Variants in FMN2 observed in about 807,000 individuals in gnomAD.
FMN2 encodes formin-2.
A neutral mutation model predicts 142.3 loss-of-function variants in FMN2; 51 were observed. The observed-to-expected ratio is 0.36, with a 90% CI of 0.29 to 0.45. The LOEUF (loss-of-function observed/expected upper bound fraction) is 0.45. Among genes scored for constraint, FMN2 ranks in the 20% least tolerant of loss-of-function variants. FMN2 has a pLI of 1.00. For synonymous variants in FMN2, 882 were observed against 869.8 expected, an observed-to-expected ratio of 1.01 and a Z score of -0.25; for missense variants, 1,936 against 2,122.8, an observed-to-expected ratio of 0.91 and a Z score of 1.73.
intron 7 of FMN2, among the ~76,000 whole-genome samples, chr1:240,261,803 A>G (rs147113262): frequency 1.7e-3 from 263 of 152,304 alleles, no homozygotes; most frequent in South Asian, 8.7e-3. Context: ...AAAAGTTATA[A>G]TGAAGGCCTG....
At chr1:240,317,855 A>G (rs1670844448) in intron 8 of FMN2, among the ~76,000 whole-genome samples, 1 of 152,134 alleles carries the variant, frequency 6.6e-6, no homozygotes, top group Admixed American at 6.5e-5. Flanking sequence ...ACCATTTTCC[A>G]TTCTCAGCAG....
chr1:240,198,910 G>A (rs919860253), intron 4 of FMN2, among the ~76,000 whole-genome samples: 1 of 152,062 alleles, frequency 6.6e-6, no homozygotes, highest in East Asian at 1.9e-4. Context: ...TTTGAGACCA[G>A]CCTGGCCAAC....
intron 15 of FMN2, among the ~76,000 whole-genome samples, chr1:240,431,427 T>C (rs1434792790): frequency 6.8e-6 from 1 of 147,288 alleles, no homozygotes; most frequent in African/African-American, 2.5e-5. Context: ...TATATATACA[T>C]ATATATACAC....
At chr1:240,104,100 G>A (rs1387349503) in intron 1 of FMN2, among the ~76,000 whole-genome samples, 4 of 151,034 alleles carry the variant, frequency 2.6e-5, no homozygotes, top group East Asian at 1.9e-4. Flanking sequence ...GGATGGTCTC[G>A]ATCTCCTGAC....
chr1:240,463,897 G>A (rs1325374110), intron 16 of FMN2, among the ~76,000 whole-genome samples: 1 of 152,098 alleles, frequency 6.6e-6, no homozygotes, highest in Non-Finnish European at 1.5e-5. Context: ...CAGCTACTCG[G>A]GAGGCTGAGG....
chr1:240,175,056 C>T (rs928659959), intron 2 of FMN2, among the ~76,000 whole-genome samples: 1 of 152,122 alleles, frequency 6.6e-6, no homozygotes, highest in Non-Finnish European at 1.5e-5. Context: ...TGTTATGTAC[C>T]TCATATGGGT....
intron 6 of FMN2, among the ~76,000 whole-genome samples, chr1:240,241,493 A>G (rs1667894296): frequency 6.6e-6 from 1 of 152,084 alleles, no homozygotes; most frequent in African/African-American, 2.4e-5. Context: ...GGACAAGTGA[A>G]CTTTGGAGTC....
chr1:240,188,376 T>C, intron 4 of FMN2, 114 bp downstream of exon 4: 1 of 1,061,206 alleles, frequency 9.4e-7, no homozygotes, highest in Non-Finnish European at 1.4e-6. Flanking sequence ...TGCCCTTGTT[T>C]TCCCTAAGCC....
intron 14 of FMN2, among the ~76,000 whole-genome samples, chr1:240,387,948 C>T (rs572240000): frequency 6.6e-6 from 1 of 151,868 alleles, no homozygotes; most frequent in African/African-American, 2.4e-5. Context: ...GAGGCCGAGG[C>T]GGGTGGATCA....
intron 6 of FMN2, among the ~76,000 whole-genome samples, chr1:240,225,467 T>C (rs1032407486): frequency 6.6e-6 from 1 of 152,148 alleles, no homozygotes; most frequent in Non-Finnish European, 1.5e-5. Flanking sequence ...GAAAAATGTG[T>C]GCAGGAATGT....
chr1:240,266,538 T>A (rs886687868), intron 7 of FMN2, among the ~76,000 whole-genome samples: 1 of 152,094 alleles, frequency 6.6e-6, no homozygotes, highest in Admixed American at 6.6e-5. Flanking sequence ...GCAAAGGACA[T>A]GATTTTGTTT....
intron 2 of FMN2, among the ~76,000 whole-genome samples, chr1:240,136,459 A>T (rs111991892): frequency 1.3e-3 from 205 of 152,340 alleles, no homozygotes; most frequent in Non-Finnish European, 2.4e-3. Context: ...AGACTTTTTA[A>T]GACAATGACA....
chr1:240,187,361 G>T (rs758267565), intron 3 of FMN2, among the ~76,000 whole-genome samples: 1 of 151,672 alleles, frequency 6.6e-6, no homozygotes, highest in African/African-American at 2.4e-5. Flanking sequence ...CTGCATGCCA[G>T]TCAGGGGTGC....
Position 240,207,807 on chromosome 1 carries a change from C to T in FMN2, c.2995C>T (p.Pro999Ser). The change falls in exon 5 of 18, where the codon CCT becomes TCT. Residue 999 changes from proline (P) to serine (S), a missense_variant. Physicochemically the swap from Pro to Ser is moderately conservative, Grantham distance 74. Around this residue, in one of 8 missense-constraint regions of FMN2, gnomAD observed 63 missense variants for 86.3 expected, o/e 0.73. Transcript: ENST00000319653. ...CCCACTTCCCGGAGCGGGCATACCC[C>T]CTCCGCCCCCACTTCCCGGAGCGGG... ...PPPLPGAGIP[P>S]PPPLPGAGIP... The T allele has an allele frequency of 3.0e-6, 2 of 673,900 alleles. No individual in the cohort carries two copies. Among genetic ancestry groups the T allele is most frequent in the Non-Finnish European group, 4.6e-6 (2 of 433,366 alleles). 41.7% of individuals were successfully genotyped at this position (673,900 alleles called of 1,614,324 possible).
intron 6 of FMN2, among the ~76,000 whole-genome samples, chr1:240,252,482 G>A (rs1668308224): frequency 6.6e-6 from 1 of 151,612 alleles, no homozygotes; most frequent in South Asian, 2.1e-4. Context: ...GCTTGTCTAG[G>A]AAAGACTGTA....
intron 16 of FMN2, chr1:240,458,672 A>T (rs1435062894): frequency 6.6e-6 from 1 of 152,242 alleles, no homozygotes; most frequent in East Asian, 1.9e-4. Flanking sequence ...TAGTAAAAGG[A>T]TGTTTGCATG....
chr1:240,138,074 A>G (rs1310380532), intron 2 of FMN2, among the ~76,000 whole-genome samples: 1 of 151,158 alleles, frequency 6.6e-6, no homozygotes, highest in African/African-American at 2.4e-5. Context: ...CAAAAAAAAA[A>G]AAAAAAAAAA....
chr1:240,209,924 A>G (rs148497243), intron 5 of FMN2, among the ~76,000 whole-genome samples: 280 of 151,688 alleles, frequency 1.8e-3, no homozygotes, highest in African/African-American at 6.1e-3. Context: ...AAGTAAGTAA[A>G]TAAATAAATA....
intron 1 of FMN2, among the ~76,000 whole-genome samples, chr1:240,121,735 T>TAGAAAAAAAA (rs1662264192): frequency 7.8e-5 from 2 of 25,678 alleles, no homozygotes; most frequent in Non-Finnish European, 1.3e-4. Context: ...AGGGAAATAG[T>TAGAAAAAAAA]AAAAAAAAAA....
Sources: allele counts gnomAD v4.1 joint callset (sites outside exome capture counted in the v4.1 genomes callset), GRCh38; gene constraint gnomAD v4.1.1; regional missense constraint gnomAD v4.1.1; transcripts MANE v1.5; gene names NCBI Gene and HGNC (gene_info 2026-07-23, HGNC 2026-07-21).